JAZF1: variants seen among roughly 807,000 people sequenced by gnomAD.
JAZF1 encodes the protein juxtaposed with another zinc finger protein 1.
In JAZF1, 8 loss-of-function variants were observed where a neutral mutation model predicts 26.4. That is an observed-to-expected ratio of 0.30 (90% CI 0.18 to 0.55). JAZF1 has a LOEUF of 0.55. Among genes scored for constraint, JAZF1 ranks in the 20% least tolerant of loss-of-function variants. The pLI, the probability that JAZF1 is intolerant of heterozygous loss-of-function variation, is 0.94. For missense variants in JAZF1, 199 were observed against 322.0 expected (o/e 0.62, Z 2.92); for synonymous variants, 126 against 122.3 (o/e 1.03, Z -0.20).
intron 1 of JAZF1, among the ~76,000 whole-genome samples, chr7:28,107,943 A>G (rs1423456259): frequency 6.6e-6 from 1 of 152,190 alleles, no homozygotes; most frequent in Non-Finnish European, 1.5e-5. Flanking sequence ...CACCACACCC[A>G]GGCACGCCTC....
At chr7:27,877,624 G>A (rs1212584194) in intron 3 of JAZF1, among the ~76,000 whole-genome samples, 3 of 152,170 alleles carry the variant, frequency 2.0e-5, no homozygotes, top group Non-Finnish European at 4.4e-5. Context: ...TGGCCTCTGT[G>A]CAGGGATGTC....
chr7:28,010,438 C>G (rs1782781383), intron 1 of JAZF1, among the ~76,000 whole-genome samples: 1 of 152,170 alleles, frequency 6.6e-6, no homozygotes, highest in South Asian at 2.1e-4. Context: ...ATCTCTTACC[C>G]TGCCACACCC....
intron 1 of JAZF1, among the ~76,000 whole-genome samples, chr7:28,028,397 A>G (rs1583517716): frequency 6.6e-6 from 1 of 152,356 alleles, no homozygotes; most frequent in South Asian, 2.1e-4. Context: ...AAAAGGCACA[A>G]ACCACACTAT....
rs554507062 is a variant in JAZF1, at chr7:27,837,998, C to A, written c.555+2700G>T. Among the ~76,000 whole-genome samples, 52 of 147,766 alleles carry A rather than the reference C, an allele frequency of 3.5e-4. No individual in the cohort carries two copies. In the East Asian group the frequency reaches 3.9e-3, roughly 11 times the overall value. On this transcript the variant is annotated intron_variant, in intron 4 of 4. Coordinates refer to ENST00000283928, the MANE Select transcript of JAZF1 (RefSeq NM_175061.4). Reference sequence around the variant, plus strand: ...TTAACAAGCTAATACACTAACAGGACTTTGTCTGCCTTTTTTTTTTTTTTC... The same window carrying A: ...TTAACAAGCTAATACACTAACAGGAATTTGTCTGCCTTTTTTTTTTTTTTC...
intron 3 of JAZF1, among the ~76,000 whole-genome samples, chr7:27,878,338 A>G (rs1783716101): frequency 6.6e-6 from 1 of 151,814 alleles, no homozygotes; most frequent in Non-Finnish European, 1.5e-5. Context: ...GATCCATTGA[A>G]AAATATATTT....
chr7:27,909,575 C>T (rs891906756), intron 2 of JAZF1, among the ~76,000 whole-genome samples: 113 of 152,238 alleles, frequency 7.4e-4, no homozygotes, highest in African/African-American at 2.7e-3. Context: ...GGCATGGTGG[C>T]ACATGCCTGT....
intron 1 of JAZF1, among the ~76,000 whole-genome samples, chr7:27,994,186 C>T (rs1785965144): frequency 2.0e-5 from 3 of 152,128 alleles, no homozygotes; most frequent in Admixed American, 2.0e-4. Flanking sequence ...GTATCTTATA[C>T]AAATGTCTAC....
At chr7:28,035,978 C>A (rs1004840591) in intron 1 of JAZF1, among the ~76,000 whole-genome samples, 1 of 152,104 alleles carries the variant, frequency 6.6e-6, no homozygotes, top group Non-Finnish European at 1.5e-5. Flanking sequence ...AGCAGGAAGA[C>A]CTTATCTTTT....
chr7:28,062,707 G>T (rs1264888486), intron 1 of JAZF1, among the ~76,000 whole-genome samples: 1 of 152,190 alleles, frequency 6.6e-6, no homozygotes, highest in Non-Finnish European at 1.5e-5. Flanking sequence ...TGGCTTCCGA[G>T]TGTGTCCTTC....
intron 2 of JAZF1, among the ~76,000 whole-genome samples, chr7:27,963,728 GTTTT>G (rs1785226114): frequency 1.5e-3 from 3 of 2,010 alleles, no homozygotes; most frequent in South Asian, 0.026. Context: ...CACCGGTTTT[GTTTT>G]GTTTTGTTTT....
intron 1 of JAZF1, among the ~76,000 whole-genome samples, chr7:28,112,635 T>G (rs977903708): frequency 2.0e-5 from 3 of 152,216 alleles, no homozygotes; most frequent in African/African-American, 7.2e-5. Context: ...ACTTGATTAC[T>G]GTCAGCTTGA....
chr7:28,112,768 A>G (rs2127933967), intron 1 of JAZF1, among the ~76,000 whole-genome samples: 1 of 152,340 alleles, frequency 6.6e-6, no homozygotes, highest in Non-Finnish European at 1.5e-5. Context: ...GGAGCAAATG[A>G]GGCAAAGAAG....
intron 1 of JAZF1, among the ~76,000 whole-genome samples, chr7:28,044,521 G>C (rs933520220): frequency 2.0e-5 from 3 of 152,112 alleles, no homozygotes; most frequent in Admixed American, 6.6e-5. Flanking sequence ...TAGCTGATGA[G>C]GTGATATGCC....
intron 3 of JAZF1, among the ~76,000 whole-genome samples, chr7:27,882,541 C>T (rs1783791896): frequency 6.6e-6 from 1 of 152,244 alleles, no homozygotes; most frequent in Admixed American, 6.5e-5. Context: ...TTCTTCCTGC[C>T]TGTCAAATAC....
At chr7:28,051,115 G>C (rs1478538259) in intron 1 of JAZF1, among the ~76,000 whole-genome samples, 2 of 119,770 alleles carry the variant, frequency 1.7e-5, no homozygotes, top group African/African-American at 6.6e-5. Flanking sequence ...CCAGGCGATA[G>C]TGCAAGACTC....
rs188113024 is a variant in JAZF1, at chr7:28,098,428, C to T, written c.115+82035G>A. Among the ~76,000 whole-genome samples, 282 of 152,010 alleles carry T rather than the reference C, an allele frequency of 1.9e-3. 2 individuals carry two copies. Among genetic ancestry groups the T allele is most frequent in the Admixed American group, 6.8e-3 (104 of 15,270 alleles). ...ACTTCCTGAGTGCAAGGACCAAGTA[C>T]GTCTTCTTCATCTTTATGCCTTTAG... On this transcript the variant is annotated intron_variant, in intron 1 of 4. Coordinates refer to ENST00000283928, the MANE Select transcript of JAZF1 (RefSeq NM_175061.4).
At chr7:28,158,186 C>CACAGAG (rs149643430) in intron 1 of JAZF1, among the ~76,000 whole-genome samples, 12,110 of 143,264 alleles carry the variant, frequency 0.085, 674 homozygotes, top group East Asian at 0.31. Context: ...CACACACACA[C>CACAGAG]AGAGAGAGAG....
At chr7:28,153,983 C>T (rs1414634941) in intron 1 of JAZF1, among the ~76,000 whole-genome samples, 2 of 152,130 alleles carry the variant, frequency 1.3e-5, no homozygotes, top group Non-Finnish European at 2.9e-5. Flanking sequence ...ATCAAAACTT[C>T]ACTATGAAAA....
intron 1 of JAZF1, among the ~76,000 whole-genome samples, chr7:28,128,107 A>C (rs963431557): frequency 6.6e-6 from 1 of 152,190 alleles, no homozygotes; most frequent in Admixed American, 6.5e-5. Context: ...TTAAATTGTG[A>C]GTTAAGAATC....
Sources: allele counts gnomAD v4.1 joint callset (sites outside exome capture counted in the v4.1 genomes callset), GRCh38; gene constraint gnomAD v4.1.1; transcripts MANE v1.5; gene names NCBI Gene and HGNC (gene_info 2026-07-23, HGNC 2026-07-21).